Variants in ATP2A3 observed in about 807,000 individuals in gnomAD.
The protein encoded by ATP2A3 is ATPase sarcoplasmic/endoplasmic reticulum Ca2+ transporting 3, also known as sarcoplasmic/endoplasmic reticulum calcium ATPase 3.
In ATP2A3, 61 loss-of-function variants were observed where a neutral mutation model predicts 106.8. The ratio of observed to expected loss-of-function variants is 0.57; its 90% CI spans 0.46 to 0.71. ATP2A3 has a LOEUF of 0.71. Among genes scored for constraint, ATP2A3 ranks in the 30% least tolerant of loss-of-function variants. The pLI is 0.00. For synonymous variants in ATP2A3, 611 were observed against 609.3 expected (o/e 1.00, Z -0.04); for missense variants, 1,201 against 1,423.5 (o/e 0.84, Z 2.52).
chr17:3,924,636 G>T lies in ATP2A3; in HGVS notation c.*786C>A. 1 of 398,942 alleles carries T rather than the reference G, an allele frequency of 2.5e-6. No individual in the cohort carries two copies. Among genetic ancestry groups the T allele is most frequent in the Non-Finnish European group, 5.0e-6 (1 of 198,354 alleles). 24.7% of individuals were successfully genotyped at this position (398,942 alleles called of 1,614,324 possible). On this transcript the variant is annotated 3_prime_UTR_variant, in exon 21 of 21. Coordinates refer to ENST00000397041, the MANE Select transcript of ATP2A3 (RefSeq NM_005173.4). This position sits in a 1 kb window ranked among gnomAD's most constrained non-coding sequence, Gnocchi z 6.4. ...GCAGACCGGGCGGCAGTGTGACTCTGAACATCTCCCGAGCTCAGGACGGGG... is the reference window on the plus strand; with the variant it reads ...GCAGACCGGGCGGCAGTGTGACTCTTAACATCTCCCGAGCTCAGGACGGGG...
intron 1 of ATP2A3, among the ~76,000 whole-genome samples, chr17:3,954,774 C>A (rs759203463): frequency 2.6e-5 from 4 of 152,106 alleles, no homozygotes; most frequent in Non-Finnish European, 5.9e-5. Context: ...GGATTACAGG[C>A]GTGAGCCACC....
rs200452764 is a variant in ATP2A3 at position 3,951,398 on chromosome 17, T to C, written c.325-9A>G. ...CTCTCGGCGTTGCGTTCCTGCAGAA[T>C]AGAAGGCCGGCAGGCAGTCTGTCCC... On this transcript the variant is annotated splice_polypyrimidine_tract_variant and intron_variant, in intron 4 of 20. Transcript: ENST00000397041. 1,092 of 1,613,572 alleles carry C rather than the reference T, an allele frequency of 6.8e-4. 7 individuals carry two copies. Among genetic ancestry groups the C allele is most frequent in the Non-Finnish European group, 3.1e-4 (360 of 1,179,980 alleles).
Position 3,947,813 on chromosome 17 carries a change from C to T in ATP2A3, c.673G>A (p.Ala225Thr). 6.3e-7 allele frequency: 1 copy of T among 1,599,652 alleles called. No individual in the cohort carries two copies. The highest frequency in any genetic ancestry group is 1.1e-5 in the South Asian group (1 of 91,084). Residue 225 changes from alanine (A) to threonine (T), a missense_variant, in exon 8 of 21, where the codon GCC becomes ACC. Ala to Thr is a moderately conservative substitution (Grantham distance 58, BLOSUM62 0). Coordinates refer to ENST00000397041, the MANE Select transcript of ATP2A3 (RefSeq NM_005173.4). The surrounding 1 kb of genome is among the most constrained non-coding windows in gnomAD (Gnocchi z 7.7). ...CCCAGCTCCGTGTGCAGGCCGGTGG[C>T]CACGGCCACACCCACCGCTTTGCCC... ...TSGKAVGVAV[A>T]TGLHTELGKI...
intron 17 of ATP2A3, among the ~76,000 whole-genome samples, chr17:3,933,660 C>T (rs917060059): frequency 1.3e-4 from 20 of 151,086 alleles, no homozygotes; most frequent in Admixed American, 5.9e-4. Flanking sequence ...CACTTGAACC[C>T]GGGAGGTGGA....
chr17:3,958,048 G>T (rs890344195), intron 1 of ATP2A3, among the ~76,000 whole-genome samples: 1 of 152,222 alleles, frequency 6.6e-6, no homozygotes, highest in Non-Finnish European at 1.5e-5. Flanking sequence ...GGGAAAAGAG[G>T]GAGGTGATCA....
chr17:3,926,962 A>G lies in ATP2A3; in HGVS notation c.2981-1521T>C. ...CGTGCTTCCCCACTGCCCTGAGGAC[A>G]ATGTCCAGGGTCTCTACCTTGGCAC... On this transcript the variant is annotated intron_variant, in intron 20 of 20. Transcript: ENST00000397041. This position sits in a 1 kb window ranked among gnomAD's most constrained non-coding sequence, Gnocchi z 4.6. 1.0e-6 allele frequency: 1 copy of G among 985,446 alleles called. No individual in the cohort carries two copies. Among genetic ancestry groups the G allele is most frequent in the Non-Finnish European group, 1.2e-6 (1 of 829,930 alleles). 61.0% of individuals were successfully genotyped at this position (985,446 alleles called of 1,614,324 possible).
intron 17 of ATP2A3, among the ~76,000 whole-genome samples, chr17:3,932,266 C>T (rs2053147511): frequency 1.3e-5 from 2 of 152,098 alleles, no homozygotes; most frequent in Admixed American, 6.6e-5. Flanking sequence ...GCCTCAGCCT[C>T]CTGAGTAGCT....
Position 3,928,389 on chromosome 17 carries a change from G to C in ATP2A3, c.2980+274C>G. On this transcript the variant is annotated intron_variant, in intron 20 of 20. Coordinates refer to ENST00000397041, the MANE Select transcript of ATP2A3 (RefSeq NM_005173.4). This position sits in a 1 kb window ranked among gnomAD's most constrained non-coding sequence, Gnocchi z 6.1. ...AGCACACAGTGCCCTGGCCATGTAG[G>C]GGGTGGCAGGTGAAGACAGTGAGGC... The C allele has an allele frequency of 3.3e-6, 5 of 1,496,930 alleles. No homozygotes were observed. Among genetic ancestry groups the C allele is most frequent in the South Asian group, 1.2e-5 (1 of 86,716 alleles). The allele number at this position is 1,496,930 out of a possible 1,614,324, so 92.7% of individuals were successfully genotyped here.
rs768809922 is a variant in ATP2A3, at chr17:3,928,074, C to T, written c.2980+589G>A. 2 of 1,613,454 alleles carry T rather than the reference C, an allele frequency of 1.2e-6. No homozygotes were observed. Among genetic ancestry groups the T allele is most frequent in the African/African-American group, 2.7e-5 (2 of 74,916 alleles). On this transcript the variant is annotated intron_variant, in intron 20 of 20. Transcript: ENST00000397041. This position sits in a 1 kb window ranked among gnomAD's most constrained non-coding sequence, Gnocchi z 6.1. ...CAGAATCACCCACTCTCAGAGCCCA[C>T]CTGGCAGAGGCAGGTGGATGGACCC...
chr17:3,944,957 C>T (rs1412780394), intron 9 of ATP2A3, 103 bp downstream of exon 9: 1 of 1,323,332 alleles, frequency 7.6e-7, no homozygotes. Context: ...GAGGCTCCGC[C>T]TCCTGGCCCG....
intron 11 of ATP2A3, 25 bp downstream of exon 11, chr17:3,943,345 AGCCCCAGCCATGCAGCCGGAG>A: frequency 1.2e-6 from 2 of 1,610,158 alleles, no homozygotes; most frequent in Non-Finnish European, 1.7e-6. Context: ...ATGTCCCAGA[AGCCCCAGCCATGCAGCCGGAG>A]GCCTGAGCCC....
chr17:3,941,699 C>A (rs1430573933), intron 12 of ATP2A3, 45 bp from the exon 13 acceptor site: 16 of 1,580,412 alleles, frequency 1.0e-5, no homozygotes, highest in Non-Finnish European at 1.4e-5. Flanking sequence ...TCAGTCAGAA[C>A]CCCTCCTCTC....
Position 3,928,505 on chromosome 17 carries a change from C to T in ATP2A3, c.2980+158G>A. The T allele has an allele frequency of 1.1e-6, 1 of 949,402 alleles. No homozygotes were observed. The highest frequency in any genetic ancestry group is 1.6e-6 in the Non-Finnish European group (1 of 612,706). 58.8% of individuals were successfully genotyped at this position (949,402 alleles called of 1,614,324 possible). A position where few individuals can be genotyped will look rare whatever the true frequency, so the allele number is the denominator to read the frequency against. On this transcript the variant is annotated intron_variant, in intron 20 of 20. Transcript: ENST00000397041. The surrounding 1 kb of genome is among the most constrained non-coding windows in gnomAD (Gnocchi z 6.1). ...CTGCGGACACCTTGGGACCCAGCCA[C>T]CAGAGCCCCTTCACACCCTCCACTT...
chr17:3,957,352 C>G (rs1383570990), intron 1 of ATP2A3, among the ~76,000 whole-genome samples: 1 of 152,170 alleles, frequency 6.6e-6, no homozygotes, highest in Admixed American at 6.5e-5. Flanking sequence ...GCCTCCGATG[C>G]TAACTCTTAG....
intron 4 of ATP2A3, 34 bp downstream of exon 4, chr17:3,951,547 C>A: frequency 1.5e-6 from 2 of 1,338,960 alleles, no homozygotes; most frequent in Non-Finnish European, 1.0e-6. Context: ...TGGGAGACCG[C>A]CCCCCGCCCG....
Position 3,947,090 on chromosome 17 carries a change from C to T in ATP2A3, c.1095+301G>A, listed in dbSNP as rs1035049798. Among the ~76,000 whole-genome samples, 5 of 152,346 alleles carry T rather than the reference C, an allele frequency of 3.3e-5. No individual in the cohort carries two copies. Among genetic ancestry groups the T allele is most frequent in the African/African-American group, 4.8e-5 (2 of 41,580 alleles). ...ACTTGAGCCTCTCCTATGTCCTTTA[C>T]GTTTACCTAGCAGGGCTCACACAGC... On this transcript the variant is annotated intron_variant, in intron 8 of 20. Transcript: ENST00000397041. This position sits in a 1 kb window ranked among gnomAD's most constrained non-coding sequence, Gnocchi z 7.7.
intron 16 of ATP2A3, 85 bp from the exon 17 acceptor site, chr17:3,935,362 C>G: frequency 2.3e-6 from 3 of 1,320,122 alleles, no homozygotes; most frequent in East Asian, 4.7e-5. Flanking sequence ...TCCCTGAATT[C>G]CCTGCAGGGA....
intron 14 of ATP2A3, among the ~76,000 whole-genome samples, chr17:3,939,799 A>T (rs893940694): frequency 1.3e-5 from 2 of 149,894 alleles, no homozygotes; most frequent in Admixed American, 1.3e-4. Flanking sequence ...AAAAAAAAAA[A>T]AAAAAAAAAA....
rs1276752760 is a variant in ATP2A3 at position 3,924,096 on chromosome 17, G to C, written c.*1326C>G. 1 of 152,244 alleles carries C rather than the reference G, an allele frequency of 6.6e-6. No homozygotes were observed. The highest frequency in any genetic ancestry group is 1.5e-5 in the Non-Finnish European group (1 of 68,060). The allele number at this position is 152,244 out of a possible 1,614,324, so 9.4% of individuals were successfully genotyped here. ...CGTAGGGGAGGGGGCTACAGAACATGGAGCCCATTGGTCTGCAAGGCAGGC... is the reference window on the plus strand; with the variant it reads ...CGTAGGGGAGGGGGCTACAGAACATCGAGCCCATTGGTCTGCAAGGCAGGC... On this transcript the variant is annotated 3_prime_UTR_variant, in exon 21 of 21. Coordinates refer to ENST00000397041, the MANE Select transcript of ATP2A3 (RefSeq NM_005173.4). The surrounding 1 kb of genome is among the most constrained non-coding windows in gnomAD (Gnocchi z 6.4).
Sources: allele counts gnomAD v4.1 joint callset (sites outside exome capture counted in the v4.1 genomes callset), GRCh38; gene constraint gnomAD v4.1.1; non-coding constraint Gnocchi (gnomAD v3.1); transcripts MANE v1.5; gene names NCBI Gene and HGNC (gene_info 2026-07-23, HGNC 2026-07-21).